DISC1: variants seen among roughly 807,000 people sequenced by gnomAD.
The protein encoded by DISC1 is disrupted in schizophrenia 1 protein.
In DISC1, 57 loss-of-function variants were observed where a neutral mutation model predicts 84.5. That is an observed-to-expected ratio of 0.67 (90% CI 0.55 to 0.84). The LOEUF is 0.84. Among genes scored for constraint, DISC1 ranks in the 40% least tolerant of loss-of-function variants. The pLI, the probability that DISC1 is intolerant of heterozygous loss-of-function variation, is 0.00. For synonymous variants in DISC1, 411 were observed against 415.2 expected (o/e 0.99, Z 0.12); for missense variants, 1,000 against 1,057.8 (o/e 0.95, Z 0.76).
At chr1:232,033,681 T>C (rs145555903) in intron 12 of DISC1, among the ~76,000 whole-genome samples, 10 of 141,270 alleles carry the variant, frequency 7.1e-5, no homozygotes, top group Non-Finnish European at 1.3e-4. Flanking sequence ...AGGAAACATT[T>C]GAATGTTTGA....
intron 9 of DISC1, among the ~76,000 whole-genome samples, chr1:231,867,927 G>A (rs1558669375): frequency 6.6e-6 from 1 of 152,148 alleles, no homozygotes; most frequent in Non-Finnish European, 1.5e-5. Context: ...CTGGCTATTC[G>A]CAAGGGAGAG....
intron 3 of DISC1, among the ~76,000 whole-genome samples, chr1:231,735,689 T>C (rs2072386496): frequency 6.6e-6 from 1 of 152,254 alleles, no homozygotes; most frequent in Non-Finnish European, 1.5e-5. Flanking sequence ...TCTCGTGGGA[T>C]CATTGTGAGG....
intron 9 of DISC1, among the ~76,000 whole-genome samples, chr1:231,886,775 CTTTCTTTCTTTCTTTCTTTCTT>C (rs1558692043): frequency 7.7e-4 from 53 of 68,512 alleles, no homozygotes; most frequent in African/African-American, 2.4e-3. Context: ...TCCTTTCTTT[CTTTCTTTCTTTCTTTCTTTCTT>C]TCTTTCTTTC....
chr1:232,036,527 G>T (rs1174326241), intron 12 of DISC1, among the ~76,000 whole-genome samples, 165 bp from the exon 13 acceptor site: 4 of 152,202 alleles, frequency 2.6e-5, no homozygotes, highest in Non-Finnish European at 5.9e-5. Flanking sequence ...ATATAAAAGT[G>T]TAAAGTTTAT....
At position 231,909,287 on chromosome 1, in the gene DISC1, G is replaced by C. The variant is rs528080276; in HGVS notation, c.1982-49541G>C. 2.6e-5 allele frequency among the ~76,000 whole-genome samples: 4 copies of C among 152,296 alleles called. No homozygotes were observed. The East Asian group carries it at 5.8e-4, about 22-fold the overall frequency. On this transcript the variant is annotated intron_variant, in intron 9 of 12. Transcript: ENST00000439617. Reference sequence around the variant, plus strand: ...AATGCTTCCAGTTTTTGCCCATTCAGTATGATATTGGCTGTGGGTTTGTCA... The same window carrying C: ...AATGCTTCCAGTTTTTGCCCATTCACTATGATATTGGCTGTGGGTTTGTCA...
rs141530593 is a variant in DISC1, at chr1:231,879,703, G to C, written c.1981+61186G>C. Reference sequence around the variant, plus strand: ...GGCATGGTGGGCAGGAGAGGGGAGAGGTGACAAGAATGACCCTGTTCAAGA... The same window carrying C: ...GGCATGGTGGGCAGGAGAGGGGAGACGTGACAAGAATGACCCTGTTCAAGA... On this transcript the variant is annotated intron_variant, in intron 9 of 12. Transcript: ENST00000439617. Among the ~76,000 whole-genome samples, 692 of 152,056 alleles carry C rather than the reference G, an allele frequency of 4.6e-3. 4 individuals are homozygous for C. The highest frequency in any genetic ancestry group is 7.8e-3 in the Non-Finnish European group (527 of 67,986).
chr1:231,926,129 A>T (rs577557298), intron 9 of DISC1, among the ~76,000 whole-genome samples: 76 of 152,348 alleles, frequency 5.0e-4, no homozygotes, highest in Middle Eastern at 3.4e-3. Flanking sequence ...CATTTCTATG[A>T]ATATTTTCAA....
chr1:231,774,503 G>T, intron 6 of DISC1: 1 of 339,712 alleles, frequency 2.9e-6, no homozygotes, highest in South Asian at 2.2e-5. Flanking sequence ...TCATTATCTG[G>T]GTGATTCTCA....
intron 9 of DISC1, among the ~76,000 whole-genome samples, chr1:231,941,492 T>TG (rs1200796589): frequency 6.7e-6 from 1 of 148,184 alleles, no homozygotes; most frequent in Non-Finnish European, 1.5e-5. Flanking sequence ...TTTTTTTTTT[T>TG]AGATGGAGTC....
At chr1:231,940,435 T>C (rs1054603531) in intron 9 of DISC1, among the ~76,000 whole-genome samples, 1 of 151,344 alleles carries the variant, frequency 6.6e-6, no homozygotes, top group Non-Finnish European at 1.5e-5. Context: ...CAATTATATG[T>C]GTAAATGCAT....
intron 9 of DISC1, among the ~76,000 whole-genome samples, chr1:231,859,593 A>G (rs2084508297): frequency 6.6e-6 from 1 of 152,188 alleles, no homozygotes; most frequent in African/African-American, 2.4e-5. Context: ...TAACAAATGA[A>G]TTTTGGGAGG....
chr1:231,703,366 G>A (rs1012702120), intron 3 of DISC1, among the ~76,000 whole-genome samples: 1 of 152,212 alleles, frequency 6.6e-6, no homozygotes, highest in Admixed American at 6.5e-5. Flanking sequence ...GCTTCAGCCC[G>A]GGCACAGCTG....
chr1:231,659,439 G>T lies in DISC1; in HGVS notation c.67+32505G>T, dbSNP rs189164918. Among the ~76,000 whole-genome samples, 541 of 151,866 alleles carry T rather than the reference G, an allele frequency of 3.6e-3. 4 individuals are homozygous for T. Among genetic ancestry groups the T allele is most frequent in the African/African-American group, 0.013 (522 of 41,468 alleles). On this transcript the variant is annotated intron_variant, in intron 1 of 12. Coordinates refer to ENST00000439617, the MANE Select transcript of DISC1 (RefSeq NM_018662.3). ...TTTCAAAAAACCAGTTTCTGGATTT[G>T]TTGATTTTTTTGAAGGGTTTTTTGT...
chr1:232,000,907 G>C (rs991284893), intron 10 of DISC1, among the ~76,000 whole-genome samples: 11 of 152,096 alleles, frequency 7.2e-5, no homozygotes, highest in Non-Finnish European at 2.9e-5. Context: ...TGTATTTGTT[G>C]TTAGCAGATT....
chr1:231,866,580 G>A (rs776192611), intron 9 of DISC1: 21 of 1,302,008 alleles, frequency 1.6e-5, no homozygotes, highest in South Asian at 4.7e-5. Context: ...CTTGCCTGAG[G>A]ACAGCCTGCA....
intron 9 of DISC1, among the ~76,000 whole-genome samples, chr1:231,949,104 G>A (rs551371572): frequency 2.6e-5 from 4 of 151,994 alleles, no homozygotes; most frequent in African/African-American, 4.8e-5. Flanking sequence ...TTCTGACCTC[G>A]TGTTCCACCT....
intron 3 of DISC1, among the ~76,000 whole-genome samples, chr1:231,732,167 T>C (rs1413536628): frequency 6.6e-6 from 1 of 152,124 alleles, no homozygotes; most frequent in Non-Finnish European, 1.5e-5. Context: ...ATGAGAAAGG[T>C]GGGTGGGTGC....
chr1:231,626,990 G>A, intron 1 of DISC1, 56 bp downstream of exon 1: 1 of 1,256,852 alleles, frequency 8.0e-7, no homozygotes, highest in South Asian at 1.5e-5. Flanking sequence ...GGCAAGGAGG[G>A]CGCGCTCTGG....
chr1:231,715,098 A>T (rs1202914532), intron 3 of DISC1, among the ~76,000 whole-genome samples: 1 of 152,244 alleles, frequency 6.6e-6, no homozygotes, highest in Non-Finnish European at 1.5e-5. Context: ...GGATTGGGTT[A>T]GGTGCTGACT....
Sources: gnomAD v4.1 joint callset for allele counts (sites outside exome capture counted in the v4.1 genomes callset) on GRCh38, gnomAD v4.1.1 for gene constraint, MANE v1.5 for transcripts, NCBI Gene and HGNC (gene_info 2026-07-23, HGNC 2026-07-21) for gene names.